The following CDC23 variants were observed in gnomAD, a reference collection of about 807,000 sequenced individuals.
CDC23 encodes the protein cell division cycle protein 23 homolog.
Under a neutral mutation model 81.7 loss-of-function variants are expected in CDC23, and 26 were observed. The observed-to-expected ratio is 0.32, with a 90% confidence interval of 0.23 to 0.44. CDC23 has a LOEUF of 0.44. CDC23 is among the 20% of genes least tolerant of loss of function. CDC23 has a pLI of 1.00. For synonymous variants in CDC23, 267 were observed against 270.8 expected (o/e 0.99, Z 0.14); for missense variants, 519 against 728.0 (o/e 0.71, Z 3.30).
At chr5:138,197,099 T>A (rs1754921164) in intron 9 of CDC23, among the ~76,000 whole-genome samples, 2 of 147,530 alleles carry the variant, frequency 1.4e-5, no homozygotes, top group Admixed American at 6.7e-5. Context: ...AAAATATGTT[T>A]AAAAAAAAAG....
At chr5:138,198,342 G>GTAGC (rs1754942674) in intron 8 of CDC23, 62 bp from the exon 9 acceptor site, 1 of 1,578,460 alleles carries the variant, frequency 6.3e-7, no homozygotes, top group East Asian at 2.2e-5. Context: ...TATTTTTCCT[G>GTAGC]TAGCTAATAC....
At chr5:138,192,921 A>G (rs1754842544) in intron 9 of CDC23, among the ~76,000 whole-genome samples, 1 of 152,164 alleles carries the variant, frequency 6.6e-6, no homozygotes, top group South Asian at 2.1e-4. Flanking sequence ...GCATTTATAT[A>G]CACAGTCTCT....
intron 2 of CDC23, among the ~76,000 whole-genome samples, chr5:138,208,908 C>G (rs765278401): frequency 6.6e-6 from 1 of 152,196 alleles, no homozygotes; most frequent in Non-Finnish European, 1.5e-5. Context: ...CCTCCCACCT[C>G]AGCCTCTGAA....
At chr5:138,205,290 T>C (rs1264631116) in intron 3 of CDC23, among the ~76,000 whole-genome samples, 2 of 152,210 alleles carry the variant, frequency 1.3e-5, no homozygotes, top group African/African-American at 2.4e-5. Context: ...TTTCAAAATA[T>C]CTTTCTTAAA....
intron 9 of CDC23, among the ~76,000 whole-genome samples, chr5:138,193,061 C>T (rs1056701511): frequency 1.3e-5 from 2 of 152,148 alleles, no homozygotes; most frequent in Non-Finnish European, 2.9e-5. Flanking sequence ...TTTCAAGTAG[C>T]TGGGAGCACA....
rs114949111 is a variant in CDC23, at chr5:138,209,940, G to A, written c.234+3051C>T. ...TATCACAGTTATGGCTGAGAGCAGTGAATCATGCATGTAATCCCAGCACAG... is the reference window on the plus strand; with the variant it reads ...TATCACAGTTATGGCTGAGAGCAGTAAATCATGCATGTAATCCCAGCACAG... On this transcript the variant is annotated intron_variant, in intron 2 of 15. Transcript: ENST00000394886. 2.4e-3 allele frequency among the ~76,000 whole-genome samples: 359 copies of A among 152,080 alleles called. 3 individuals carry two copies. Among genetic ancestry groups the A allele is most frequent in the African/African-American group, 7.6e-3 (317 of 41,498 alleles).
chr5:138,201,513 T>A (rs1754989547), intron 4 of CDC23, 65 bp from the exon 5 acceptor site: 4 of 1,116,580 alleles, frequency 3.6e-6, no homozygotes, highest in South Asian at 1.5e-5. Context: ...TTATTTTATT[T>A]ATTTATTTAT....
rs112859542 is a variant in CDC23 at position 138,200,546 on chromosome 5, G to A, written c.654+561C>T. Among the ~76,000 whole-genome samples the A allele has an allele frequency of 1.2e-3, 180 of 152,218 alleles. 3 individuals are homozygous for A. Among genetic ancestry groups the A allele is most frequent in the African/African-American group, 4.1e-3 (170 of 41,546 alleles). On this transcript the variant is annotated intron_variant, in intron 6 of 15. Transcript: ENST00000394886. ...ATAAAATAAGTAACATAGGCTGGGC[G>A]TGGTGGTTCATGCCTGTAATCCCAG...
intron 13 of CDC23, 69 bp from the exon 14 acceptor site, chr5:138,189,975 G>A (rs1754807859): frequency 4.3e-6 from 6 of 1,398,246 alleles, no homozygotes; most frequent in Non-Finnish European, 6.1e-6. Context: ...AAAAGTAAAA[G>A]TACATAAGAC....
chr5:138,193,967 A>G (rs1272136780), intron 9 of CDC23, among the ~76,000 whole-genome samples: 3 of 152,076 alleles, frequency 2.0e-5, no homozygotes, highest in Non-Finnish European at 2.9e-5. Flanking sequence ...TCCAAAAAAA[A>G]AAAAAAGGTA....
At chr5:138,206,438 A>C (rs1475882871) in intron 3 of CDC23, 109 bp downstream of exon 3, 2 of 1,052,300 alleles carry the variant, frequency 1.9e-6, no homozygotes, top group Middle Eastern at 2.3e-4. Flanking sequence ...TATAAAGTAC[A>C]TTCATTCAGT....
intron 3 of CDC23, chr5:138,206,208 A>C: frequency 2.5e-6 from 1 of 402,394 alleles, no homozygotes; most frequent in East Asian, 4.0e-5. Flanking sequence ...AATATACTAT[A>C]AACATGATAA....
intron 9 of CDC23, among the ~76,000 whole-genome samples, chr5:138,195,759 ATATATTATATATGTG>A: frequency 8.6e-6 from 1 of 116,820 alleles, no homozygotes; most frequent in Non-Finnish European, 1.7e-5. Context: ...ATATATATAC[ATATATTATATATGTG>A]TATATATACA....
At chr5:138,209,894 T>C (rs1755094834) in intron 2 of CDC23, among the ~76,000 whole-genome samples, 3 of 152,008 alleles carry the variant, frequency 2.0e-5, no homozygotes, top group Middle Eastern at 6.8e-3. Context: ...CATAATACTC[T>C]TGCATTTTAA....
At chr5:138,208,888 A>G (rs1365808827) in intron 2 of CDC23, among the ~76,000 whole-genome samples, 1 of 152,062 alleles carries the variant, frequency 6.6e-6, no homozygotes, top group East Asian at 1.9e-4. Context: ...TCCTGGGCTC[A>G]AGTGATCCTC....
chr5:138,193,913 G>A (rs1174190376), intron 9 of CDC23, among the ~76,000 whole-genome samples: 1 of 151,156 alleles, frequency 6.6e-6, no homozygotes, highest in Non-Finnish European at 1.5e-5. Flanking sequence ...AGCCAAGATC[G>A]CGCCATTGCA....
Position 138,198,761 on chromosome 5 carries a change from C to A in CDC23, c.676G>T (p.Asp226Tyr). ...AGAAAAAACTCTTTCATCCAGGTGT[C>A]TGGCAAAGACAGGAACTTCAGCTGG... The part of the protein sequence containing the change: ...KEMLKFLSLP[D>Y]TWMKEFFLAH... The change falls in exon 7 of 16, where the codon GAC becomes TAC. Residue 226 changes from aspartate to tyrosine, a missense_variant. Asp to Tyr is a radical substitution (Grantham distance 160). Coordinates refer to ENST00000394886, the MANE Select transcript of CDC23 (RefSeq NM_004661.4). The A allele has an allele frequency of 6.2e-7, 1 of 1,613,862 alleles. No homozygotes were observed. Among genetic ancestry groups the A allele is most frequent in the South Asian group, 1.1e-5 (1 of 90,970 alleles).
intron 13 of CDC23, among the ~76,000 whole-genome samples, chr5:138,190,385 A>G (rs140383931): frequency 0.024 from 3,685 of 151,646 alleles, 113 homozygotes; most frequent in African/African-American, 0.075. Flanking sequence ...TTTAACTTGG[A>G]AGGTGGAGGT....
chr5:138,198,130 T>C, intron 9 of CDC23, 69 bp downstream of exon 9: 1 of 1,185,586 alleles, frequency 8.4e-7, no homozygotes, highest in Non-Finnish European at 1.2e-6. Context: ...TAGCTAATTG[T>C]GGTTATTTTC....
Sources: gnomAD v4.1 joint callset for allele counts (sites outside exome capture counted in the v4.1 genomes callset) on GRCh38, gnomAD v4.1.1 for gene constraint, MANE v1.5 for transcripts, NCBI Gene and HGNC (gene_info 2026-07-23, HGNC 2026-07-21) for gene names.